The following HMX1 variants were observed in gnomAD, a reference collection of about 807,000 sequenced individuals.
HMX1 encodes the protein homeobox protein HMX1.
In HMX1, 8 loss-of-function variants were observed where a neutral mutation model predicts 8.9. The ratio of observed to expected loss-of-function variants is 0.90; its 90% CI spans 0.53 to 1.63. HMX1 has a LOEUF of 1.63. Ranked by LOEUF, HMX1 falls within the 40% of genes most tolerant of loss-of-function variation. HMX1 has a pLI of 0.00. For synonymous variants in HMX1, 311 were observed against 283.4 expected, an observed-to-expected ratio of 1.10 and a Z score of -0.98; for missense variants, 621 against 558.5, an observed-to-expected ratio of 1.11 and a Z score of -1.13.
intron 1 of HMX1, among the ~76,000 whole-genome samples, chr4:8,858,283 G>A (rs1173613223): frequency 1.3e-5 from 2 of 152,270 alleles, no homozygotes; most frequent in South Asian, 4.1e-4. Context: ...GACCGCGGGA[G>A]GGGGTGAGAA....
chr4:8,871,147 A>G lies in HMX1; in HGVS notation c.394+74T>C. The stretch of plus-strand genomic sequence containing the variant: ...CCCAGAACGGGCGGCGACGAGCCCG[A>G]AGTCCCCCAGCAAATGCGCAGGGAG... On this transcript the variant is annotated intron_variant, in intron 1 of 1. Coordinates refer to ENST00000400677, the MANE Select transcript of HMX1 (RefSeq NM_018942.3). This position sits in a 1 kb window ranked among gnomAD's most constrained non-coding sequence, Gnocchi z 4.8. The G allele has an allele frequency of 7.8e-7, 1 of 1,280,394 alleles. No individual in the cohort carries two copies. The highest frequency in any genetic ancestry group is 3.8e-5 in the Admixed American group (1 of 26,088). The allele number at this position is 1,280,394 out of a possible 1,614,324, so 79.3% of individuals were successfully genotyped here. A position where few individuals can be genotyped will look rare whatever the true frequency, so the allele number is the denominator to read the frequency against.
At chr4:8,863,471 T>G (rs879481396), downstream of HMX1, among the ~76,000 whole-genome samples, 6 of 152,188 alleles carry the variant, frequency 3.9e-5, no homozygotes, top group Non-Finnish European at 8.8e-5. Context: ...GAGCCAAGGA[T>G]CTGGGAAACC....
chr4:8,865,016 C>T (rs1488007343), downstream of HMX1, among the ~76,000 whole-genome samples: 1 of 152,218 alleles, frequency 6.6e-6, no homozygotes, highest in Non-Finnish European at 1.5e-5. Flanking sequence ...TTCCATGGTT[C>T]CCTAGTAGCC....
intron 1 of HMX1, among the ~76,000 whole-genome samples, chr4:8,861,770 G>C (rs576661867): frequency 6.6e-6 from 1 of 152,242 alleles, no homozygotes; most frequent in Non-Finnish European, 1.5e-5. Context: ...CAGAGCCCCG[G>C]GATCAAGGCG....
chr4:8,866,519 CCAT>C (rs374679610), downstream of HMX1, among the ~76,000 whole-genome samples: 47 of 152,336 alleles, frequency 3.1e-4, no homozygotes, highest in African/African-American at 1.1e-3. Flanking sequence ...CCTTCAGATC[CCAT>C]CATCACCGGC....
intron 1 of HMX1, among the ~76,000 whole-genome samples, chr4:8,859,671 G>A (rs1456134051): frequency 6.6e-6 from 1 of 152,212 alleles, no homozygotes. Flanking sequence ...CTAGAGAAAT[G>A]GGGACAGAGT....
At position 8,846,291 on chromosome 4, in the gene HMX1, C is replaced by G. The variant is rs932918659; in HGVS notation, c.428G>C (p.Cys143Ser). ...AGCTCTGGTCACCTGCCCCTCTCCA[C>G]ACTGCACAGGCTGAGGTGTAATCTT... The change falls in exon 2 of 2, where the codon TGT becomes TCT. Residue 143 changes from cysteine (C) to serine (S), a missense_variant. Transcript: ENST00000506970. 3.3e-6 allele frequency: 5 copies of G among 1,535,256 alleles called. No individual in the cohort carries two copies. In the African/African-American group the frequency reaches 6.8e-5, roughly 21 times the overall value.
At chr4:8,858,036 T>C (rs1022155903) in intron 1 of HMX1, among the ~76,000 whole-genome samples, 1 of 151,608 alleles carries the variant, frequency 6.6e-6, no homozygotes, top group Non-Finnish European at 1.5e-5. Flanking sequence ...CCATTAGGGC[T>C]AATGCGATGT....
downstream of HMX1, among the ~76,000 whole-genome samples, chr4:8,865,868 G>A (rs980184011): frequency 3.3e-5 from 5 of 152,228 alleles, no homozygotes; most frequent in African/African-American, 9.6e-5. Flanking sequence ...CCAAAGCAGC[G>A]AGGGAGCCCG....
In HMX1 at chr4:8,849,819, C is replaced by T. The variant is rs190758025; in HGVS notation, c.395-3495G>A. On this transcript the variant is annotated intron_variant, in intron 1 of 1. Transcript: ENST00000506970. This position sits in a 1 kb window ranked among gnomAD's most constrained non-coding sequence, Gnocchi z 6.6. ...GAGCTGGAACAGCCCCTCCGGGCAT[C>T]GGGTGTGGTCTGCCATTTGTCATTT... 1.9e-3 allele frequency among the ~76,000 whole-genome samples: 286 copies of T among 152,294 alleles called. No individual in the cohort carries two copies. The highest frequency in any genetic ancestry group is 2.9e-3 in the Non-Finnish European group (195 of 68,018).
downstream of HMX1, among the ~76,000 whole-genome samples, chr4:8,865,507 C>T (rs143505580): frequency 0.066 from 10,027 of 151,072 alleles, 1,086 homozygotes; most frequent in African/African-American, 0.23. Context: ...TCCGCGGTGT[C>T]GCCGGCTGTG....
chr4:8,867,410 G>C lies in HMX1; in HGVS notation c.*283C>G. On this transcript the variant is annotated 3_prime_UTR_variant, in exon 2 of 2. Transcript: ENST00000400677. ...CGACCGCTCCTCGCTGAGGCCGGGG[G>C]GTGGCCGTGGCGCCGGGGGCTGCGC... 9.3e-7 allele frequency: 1 copy of C among 1,080,098 alleles called. No individual in the cohort carries two copies. The highest frequency in any genetic ancestry group is 6.0e-5 in the East Asian group (1 of 16,714). The allele number at this position is 1,080,098 out of a possible 1,614,324, so 66.9% of individuals were successfully genotyped here. A position where few individuals can be genotyped will look rare whatever the true frequency, so the allele number is the denominator to read the frequency against.
chr4:8,857,643 G>C (rs1193158408), intron 1 of HMX1, among the ~76,000 whole-genome samples: 2 of 152,242 alleles, frequency 1.3e-5, no homozygotes, highest in African/African-American at 4.8e-5. Flanking sequence ...GCACGCAGGG[G>C]TCTCCCAGCT....
chr4:8,862,760 A>G (rs1397072424), downstream of HMX1, among the ~76,000 whole-genome samples: 1 of 152,232 alleles, frequency 6.6e-6, no homozygotes, highest in Non-Finnish European at 1.5e-5. Context: ...ATAAAAAATA[A>G]ACAAAAACTC....
intron 1 of HMX1, chr4:8,858,625 C>T (rs1356575989): frequency 6.6e-6 from 1 of 152,220 alleles, no homozygotes; most frequent in African/African-American, 2.4e-5. Context: ...GCGCAGGCCC[C>T]CGGGCGGCCG....
rs1721647652 is a variant in HMX1, at chr4:8,857,509, T to A, written c.395-11185A>T. ...GTTTCCGCACCCGGTGGGGCGCGGG[T>A]TCCGGCCCAGCTTCTCTCGGAAGTG... is the stretch of plus-strand genomic sequence containing the variant. On this transcript the variant is annotated intron_variant, in intron 1 of 1. Transcript: ENST00000506970. Among the ~76,000 whole-genome samples, 3 of 152,240 alleles carry A rather than the reference T, an allele frequency of 2.0e-5. No homozygotes were observed. The South Asian group carries it at 6.2e-4, about 32-fold the overall frequency.
rs1722197661 is a variant in HMX1 at position 8,871,102 on chromosome 4, C to G, written c.394+119G>C. ...GGCCCCACAAGGCCCAGACGCCGTTCCACAGAAGGGAGAGGATGGCCCAGA... is the reference window on the plus strand; with the variant it reads ...GGCCCCACAAGGCCCAGACGCCGTTGCACAGAAGGGAGAGGATGGCCCAGA... On this transcript the variant is annotated intron_variant, in intron 1 of 1. Transcript: ENST00000400677. This position sits in a 1 kb window ranked among gnomAD's most constrained non-coding sequence, Gnocchi z 4.8. 1 of 1,114,842 alleles carries G rather than the reference C, an allele frequency of 9.0e-7. No individual in the cohort carries two copies. Among genetic ancestry groups the G allele is most frequent in the Non-Finnish European group, 1.1e-6 (1 of 879,256 alleles). The allele number at this position is 1,114,842 out of a possible 1,614,324, so 69.1% of individuals were successfully genotyped here.
Position 8,871,385 on chromosome 4 carries a change from G to T in HMX1, c.230C>A (p.Pro77His). ...RRRQLLAGTG[P>H]GGEARARALL... ...CGCACGGGCCCGCGCCTCCCCGCCG[G>T]GCCCGGTGCCCGCGAGCAACTGTCG... The change falls in exon 1 of 2, where the codon CCC (proline) becomes CAC (histidine). Residue 77 changes from proline to histidine, a missense_variant. By Grantham distance (77) the Pro-to-His change is moderately conservative (BLOSUM62 -2). Coordinates refer to ENST00000400677, the MANE Select transcript of HMX1 (RefSeq NM_018942.3). This position sits in a 1 kb window ranked among gnomAD's most constrained non-coding sequence, Gnocchi z 4.8. 3.2e-6 allele frequency: 4 copies of T among 1,244,868 alleles called. 1 individual carries two copies. In the East Asian group the frequency reaches 1.1e-4, roughly 33 times the overall value. The allele number at this position is 1,244,868 out of a possible 1,614,324, so 77.1% of individuals were successfully genotyped here.
chr4:8,864,984 C>T (rs762990475), downstream of HMX1, among the ~76,000 whole-genome samples: 2 of 151,484 alleles, frequency 1.3e-5, no homozygotes, highest in Non-Finnish European at 2.9e-5. Context: ...TGCTGGCTGC[C>T]AAGACTAGGC....
Sources: allele counts gnomAD v4.1 joint callset (sites outside exome capture counted in the v4.1 genomes callset), GRCh38; gene constraint gnomAD v4.1.1; non-coding constraint Gnocchi (gnomAD v3.1); transcripts MANE v1.5; gene names NCBI Gene and HGNC (gene_info 2026-07-23, HGNC 2026-07-21).